The following WDR7 variants were observed in gnomAD, a reference collection of about 807,000 sequenced individuals.
WDR7 encodes the protein WD repeat-containing protein 7.
A neutral mutation model predicts 169.4 loss-of-function variants in WDR7; 46 were observed. The ratio of observed to expected loss-of-function variants is 0.27; its 90% CI spans 0.21 to 0.35. The LOEUF (loss-of-function observed/expected upper bound fraction) is 0.35. Among genes scored for constraint, WDR7 ranks in the 10% least tolerant of loss-of-function variants. The pLI is 1.00. For synonymous variants in WDR7, 612 were observed against 666.8 expected (o/e 0.92, Z 1.27); for missense variants, 1,534 against 1,859.3 (o/e 0.83, Z 3.22).
intron 14 of WDR7, among the ~76,000 whole-genome samples, chr18:56,740,076 T>C (rs2144849252): frequency 6.6e-6 from 1 of 152,130 alleles, no homozygotes; most frequent in South Asian, 2.1e-4. Flanking sequence ...TTGTTTTTCG[T>C]AGGTTTCATG....
At chr18:56,848,208 GAGCTT>G (rs1389602512) in intron 20 of WDR7, among the ~76,000 whole-genome samples, 2 of 152,238 alleles carry the variant, frequency 1.3e-5, no homozygotes, top group Admixed American at 6.5e-5. Context: ...TATTATTCTG[GAGCTT>G]TAAGATGTAA....
At chr18:56,923,800 G>A (rs941074393) in intron 21 of WDR7, 122 bp from the exon 22 acceptor site, 1 of 930,114 alleles carries the variant, frequency 1.1e-6, no homozygotes, top group Non-Finnish European at 1.5e-6. Context: ...GTAGTCTTGA[G>A]GTTCAATACC....
rs536398203 is a variant in WDR7 at position 56,705,210 on chromosome 18, A to G, written c.1578+8748A>G. The stretch of plus-strand genomic sequence containing the variant: ...AGTGTAGTATTCAGTTTGGTGCAAC[A>G]TATTTTTGATTAGACATTCATTGGG... On this transcript the variant is annotated intron_variant, in intron 12 of 27. Transcript: ENST00000254442. Among the ~76,000 whole-genome samples the G allele has an allele frequency of 3.3e-5, 5 of 152,270 alleles. No homozygotes were observed. In the East Asian group the frequency reaches 5.8e-4, roughly 18 times the overall value.
chr18:56,803,542 T>C (rs1057183731), intron 19 of WDR7, among the ~76,000 whole-genome samples: 1 of 152,122 alleles, frequency 6.6e-6, no homozygotes, highest in Non-Finnish European at 1.5e-5. Flanking sequence ...TCTGGAAATG[T>C]GGCTCTAAAA....
intron 12 of WDR7, among the ~76,000 whole-genome samples, chr18:56,697,617 A>G (rs902127290): frequency 9.9e-5 from 15 of 152,126 alleles, no homozygotes; most frequent in African/African-American, 3.6e-4. Context: ...TTGTAATTAC[A>G]TTAATAAATT....
chr18:56,759,220 A>G (rs1280476748), intron 16 of WDR7, among the ~76,000 whole-genome samples: 1 of 152,194 alleles, frequency 6.6e-6, no homozygotes, highest in Non-Finnish European at 1.5e-5. Flanking sequence ...CCTTAACTTG[A>G]CAACAGTAGT....
rs954121275 is a variant in WDR7, at chr18:57,020,629, G to T, written c.4165-116G>T. The T allele has an allele frequency of 5.4e-5, 48 of 895,072 alleles. 1 individual carries two copies. In the Admixed American group the frequency reaches 1.1e-3, roughly 21 times the overall value. The allele number at this position is 895,072 out of a possible 1,614,324, so 55.4% of individuals were successfully genotyped here. ...CTAAGCTGATTTTATAAACAAAGAA[G>T]ATAACAGCATCTAATACCCATGACG... On this transcript the variant is annotated intron_variant, in intron 26 of 27. Transcript: ENST00000254442.
intron 21 of WDR7, among the ~76,000 whole-genome samples, chr18:56,922,016 G>A: frequency 6.6e-6 from 1 of 152,140 alleles, no homozygotes; most frequent in South Asian, 2.1e-4. Context: ...TATTTAGCAA[G>A]GATTCACCTC....
rs2044369521 is a variant in WDR7 at position 56,784,721 on chromosome 18, G to A, written c.3190+3065G>A. Among the ~76,000 whole-genome samples the A allele has an allele frequency of 3.9e-5, 6 of 152,120 alleles. No individual in the cohort carries two copies. In the South Asian group the frequency reaches 1.0e-3, roughly 26 times the overall value. On this transcript the variant is annotated intron_variant, in intron 19 of 27. Transcript: ENST00000254442. ...AGAAAATGACTCTTTGATGGGTCTG[G>A]TCACTGTTTAAGTATAAAGTAGGCT...
At chr18:56,971,001 G>A (rs1425907407) in intron 26 of WDR7, among the ~76,000 whole-genome samples, 1 of 152,192 alleles carries the variant, frequency 6.6e-6, no homozygotes, top group African/African-American at 2.4e-5. Context: ...GCTGGGCGCA[G>A]TGGCTCGCAC....
chr18:56,776,887 C>T lies in WDR7; in HGVS notation c.2947+7C>T. 6.2e-7 allele frequency: 1 copy of T among 1,607,022 alleles called. No homozygotes were observed. The highest frequency in any genetic ancestry group is 1.1e-5 in the South Asian group (1 of 90,924). Reference sequence around the variant, plus strand: ...TGTTTCTTAGTAAATGAAGGTATCTCTCTCAACTTCTAACAACTTTCTCTC... The same window carrying T: ...TGTTTCTTAGTAAATGAAGGTATCTTTCTCAACTTCTAACAACTTTCTCTC... On this transcript the variant is annotated splice_region_variant and intron_variant, in intron 17 of 27. Transcript: ENST00000254442.
chr18:56,686,005 T>G lies in WDR7; in HGVS notation c.570T>G (p.Ile190Met). ...TGACTGGCATCCTGAAGGTCTGGATTGTTACCTCGGAAATAAGTGACATGC... is the reference window on the plus strand; with the variant it reads ...TGACTGGCATCCTGAAGGTCTGGATGGTTACCTCGGAAATAAGTGACATGC... ...LSVTGILKVW[I>M]VTSEISDMQD... The change falls in exon 6 of 28, where the codon ATT becomes ATG. Residue 190 changes from isoleucine to methionine, a missense_variant. Transcript: ENST00000254442. The G allele has an allele frequency of 6.3e-7, 1 of 1,598,344 alleles. No individual in the cohort carries two copies. The highest frequency in any genetic ancestry group is 8.5e-7 in the Non-Finnish European group (1 of 1,175,002).
chr18:56,840,386 C>A (rs2045464665), intron 20 of WDR7, among the ~76,000 whole-genome samples: 2 of 151,534 alleles, frequency 1.3e-5, no homozygotes, highest in South Asian at 4.2e-4. Flanking sequence ...CACTGATAAT[C>A]CAAAAAAGGA....
intron 27 of WDR7, among the ~76,000 whole-genome samples, chr18:57,022,923 C>T (rs2048310916): frequency 1.3e-5 from 2 of 152,234 alleles, no homozygotes; most frequent in Non-Finnish European, 2.9e-5. Flanking sequence ...GGCTGCAGTA[C>T]ATGTCCTTAA....
chr18:56,999,796 G>A (rs2576420), intron 26 of WDR7, among the ~76,000 whole-genome samples: 95,024 of 152,004 alleles, frequency 0.63, 30,316 homozygotes, highest in Middle Eastern at 0.73. Flanking sequence ...AGAAAACTGC[G>A]GAGAACCTTG....
At position 56,730,689 on chromosome 18, in the gene WDR7, C is replaced by T. The variant is rs567690826; in HGVS notation, c.1775-694C>T. Among the ~76,000 whole-genome samples, 5 of 152,114 alleles carry T rather than the reference C, an allele frequency of 3.3e-5. No individual in the cohort carries two copies. In the East Asian group the frequency reaches 9.7e-4, roughly 29 times the overall value. ...GCTGAGACAGGAGAATGATGTGAAC[C>T]CAGGAGGCGGAACTTGTAGTGAGCC... On this transcript the variant is annotated intron_variant, in intron 13 of 27. Coordinates refer to ENST00000254442, the MANE Select transcript of WDR7 (RefSeq NM_015285.3).
At chr18:56,864,837 T>G (rs1247816560) in intron 20 of WDR7, among the ~76,000 whole-genome samples, 2 of 151,966 alleles carry the variant, frequency 1.3e-5, no homozygotes, top group Non-Finnish European at 2.9e-5. Context: ...CTATCATTAT[T>G]AACTTAATTT....
At chr18:56,795,182 A>G (rs997922943) in intron 19 of WDR7, among the ~76,000 whole-genome samples, 1 of 152,118 alleles carries the variant, frequency 6.6e-6, no homozygotes, top group East Asian at 1.9e-4. Context: ...AAATTTTCCT[A>G]TCTTTGATCA....
At chr18:56,930,403 G>A (rs1438223382) in intron 22 of WDR7, among the ~76,000 whole-genome samples, 1 of 152,112 alleles carries the variant, frequency 6.6e-6, no homozygotes, top group Non-Finnish European at 1.5e-5. Context: ...TATTTTTCCT[G>A]TTTCTGTGAA....
Sources: gnomAD v4.1 joint callset for allele counts (sites outside exome capture counted in the v4.1 genomes callset) on GRCh38, gnomAD v4.1.1 for gene constraint, MANE v1.5 for transcripts, NCBI Gene and HGNC (gene_info 2026-07-23, HGNC 2026-07-21) for gene names.